Variants in ROBO1 observed in about 807,000 individuals in gnomAD.
ROBO1 encodes the protein roundabout homolog 1.
ROBO1 carries 149 observed loss-of-function variants against 195.9 expected under a neutral mutation model. That is an observed-to-expected ratio of 0.76 (90% CI 0.67 to 0.87). The LOEUF is 0.87. ROBO1 is among the 40% of genes least tolerant of loss of function. ROBO1 has a pLI of 0.00. For synonymous variants in ROBO1, 816 were observed against 733.2 expected, an observed-to-expected ratio of 1.11 and a Z score of -1.82; for missense variants, 1,933 against 2,068.3, an observed-to-expected ratio of 0.93 and a Z score of 1.27.
chr3:79,466,542 A>G (rs1054750439), intron 2 of ROBO1, among the ~76,000 whole-genome samples: 5 of 152,158 alleles, frequency 3.3e-5, no homozygotes, highest in African/African-American at 7.2e-5. Flanking sequence ...GAAGAGTTCT[A>G]TCAGGCAATA....
intron 2 of ROBO1, among the ~76,000 whole-genome samples, chr3:79,414,591 T>A: frequency 6.6e-6 from 1 of 152,276 alleles, no homozygotes; most frequent in African/African-American, 2.4e-5. Flanking sequence ...ATTACATTTA[T>A]TCCTTTTTAA....
chr3:78,937,201 C>A (rs918085237), intron 4 of ROBO1, among the ~76,000 whole-genome samples: 43 of 151,890 alleles, frequency 2.8e-4, no homozygotes, highest in Admixed American at 1.3e-4. Context: ...GCTGATTTCA[C>A]GTTAATAATA....
At chr3:79,382,605 G>C (rs1408427924) in intron 2 of ROBO1, among the ~76,000 whole-genome samples, 2 of 152,100 alleles carry the variant, frequency 1.3e-5, no homozygotes, top group African/African-American at 4.8e-5. Flanking sequence ...GCTAGATGCT[G>C]TTAAAAATTA....
intron 2 of ROBO1, among the ~76,000 whole-genome samples, chr3:79,478,784 C>T (rs1277539753): frequency 6.6e-6 from 1 of 152,152 alleles, no homozygotes; most frequent in African/African-American, 2.4e-5. Flanking sequence ...GGAAGCTTTG[C>T]TTAGTGCTTT....
chr3:79,329,891 C>T (rs1034485490), intron 2 of ROBO1, among the ~76,000 whole-genome samples: 9 of 151,954 alleles, frequency 5.9e-5, no homozygotes, highest in Non-Finnish European at 1.2e-4. Flanking sequence ...AGATTATATA[C>T]GTATTCTTAT....
chr3:79,403,994 T>A (rs769346766), intron 2 of ROBO1, among the ~76,000 whole-genome samples: 3 of 152,032 alleles, frequency 2.0e-5, no homozygotes, highest in Non-Finnish European at 4.4e-5. Context: ...TTCCATCACT[T>A]TTATAAAAAT....
intron 2 of ROBO1, among the ~76,000 whole-genome samples, chr3:79,155,971 C>T (rs2080851123): frequency 6.6e-6 from 1 of 151,794 alleles, no homozygotes; most frequent in African/African-American, 2.4e-5. Context: ...ACTTACAATC[C>T]TGAATGCCTT....
intron 25 of ROBO1, among the ~76,000 whole-genome samples, chr3:78,629,929 G>A (rs1575805263): frequency 6.6e-6 from 1 of 152,130 alleles, no homozygotes; most frequent in African/African-American, 2.4e-5. Flanking sequence ...TCCTTTTCAT[G>A]GTTTATTTAG....
chr3:79,084,902 T>A (rs2079340374), intron 3 of ROBO1, among the ~76,000 whole-genome samples: 1 of 152,140 alleles, frequency 6.6e-6, no homozygotes, highest in South Asian at 2.1e-4. Context: ...ATTTATTTTC[T>A]AATAAGAGAA....
chr3:78,822,324 G>A (rs1030292416), intron 4 of ROBO1, among the ~76,000 whole-genome samples: 9 of 152,124 alleles, frequency 5.9e-5, no homozygotes, highest in Non-Finnish European at 1.2e-4. Context: ...ACTGTACAAG[G>A]AAAAAATCTA....
At chr3:78,811,418 G>A (rs1466879260) in intron 4 of ROBO1, among the ~76,000 whole-genome samples, 1 of 152,032 alleles carries the variant, frequency 6.6e-6, no homozygotes, top group Non-Finnish European at 1.5e-5. Flanking sequence ...CCATGTTATA[G>A]GAGCCAACTA....
At chr3:79,672,660 G>A (rs1946665395) in intron 1 of ROBO1, among the ~76,000 whole-genome samples, 1 of 151,852 alleles carries the variant, frequency 6.6e-6, no homozygotes, top group African/African-American at 2.4e-5. Context: ...AGTTTCCGTA[G>A]TTGTTGGCTG....
intron 3 of ROBO1, among the ~76,000 whole-genome samples, chr3:78,943,706 A>C (rs1335788250): frequency 1.3e-5 from 2 of 152,154 alleles, no homozygotes; most frequent in African/African-American, 2.4e-5. Context: ...AGAATATCCC[A>C]CTGAACTTTG....
intron 2 of ROBO1, among the ~76,000 whole-genome samples, chr3:79,375,733 G>A (rs750354753): frequency 2.0e-5 from 3 of 152,124 alleles, no homozygotes; most frequent in Admixed American, 1.3e-4. Context: ...CTCAGTCCTC[G>A]CTATATTAAC....
At chr3:79,760,496 C>CAAAAAAAAAAAA (rs1559562438) in intron 1 of ROBO1, among the ~76,000 whole-genome samples, 1 of 71,532 alleles carries the variant, frequency 1.4e-5, no homozygotes, top group Non-Finnish European at 3.2e-5. Context: ...CAATGCAATA[C>CAAAAAAAAAAAA]CAAAAAAAAA....
intron 1 of ROBO1, among the ~76,000 whole-genome samples, chr3:79,699,866 G>A (rs1373909108): frequency 6.6e-6 from 1 of 151,644 alleles, no homozygotes; most frequent in Non-Finnish European, 1.5e-5. Flanking sequence ...GAGTCACGGA[G>A]TGTATGTGTA....
intron 2 of ROBO1, among the ~76,000 whole-genome samples, chr3:79,525,051 C>A (rs1025451768): frequency 1.3e-5 from 2 of 151,760 alleles, no homozygotes; most frequent in Admixed American, 1.3e-4. Flanking sequence ...CATAAAAATT[C>A]TCAAACTTGG....
At chr3:78,989,228 C>G (rs1200944517) in intron 3 of ROBO1, among the ~76,000 whole-genome samples, 1 of 152,118 alleles carries the variant, frequency 6.6e-6, no homozygotes, top group East Asian at 1.9e-4. Context: ...GATGGATATG[C>G]TTACCATACA....
rs1702937651 is a variant in ROBO1 at position 78,597,969 on chromosome 3, AG to A, written c.*943del. On this transcript the variant is annotated 3_prime_UTR_variant, in exon 31 of 31. Transcript: ENST00000464233. ...TAAAACCAAAAAAAAAAAAAAAAAG[AG>A]AGAGAGATTAAAAACAGTGCATTAC... is the stretch of plus-strand genomic sequence containing the variant. 2.1e-5 allele frequency: 3 copies of A among 140,160 alleles called. No homozygotes were observed. The highest frequency in any genetic ancestry group is 8.2e-5 in the African/African-American group (3 of 36,788). 8.7% of individuals were successfully genotyped at this position (140,160 alleles called of 1,614,324 possible).
Sources: gnomAD v4.1 joint callset for allele counts (sites outside exome capture counted in the v4.1 genomes callset) on GRCh38, gnomAD v4.1.1 for gene constraint, MANE v1.5 for transcripts, NCBI Gene and HGNC (gene_info 2026-07-23, HGNC 2026-07-21) for gene names.